The following OC90 variants were observed in gnomAD, a reference collection of about 807,000 sequenced individuals.
OC90 encodes otoconin 90.
A neutral mutation model predicts 47.3 loss-of-function variants in OC90; 46 were observed. The observed-to-expected ratio is 0.97, with a 90% CI of 0.77 to 1.24. OC90 has a LOEUF of 1.24. Ranked by LOEUF, OC90 falls within the 50% of genes most tolerant of loss-of-function variation. The pLI is 0.00. For missense variants in OC90, 688 were observed against 583.9 expected, an observed-to-expected ratio of 1.18 and a Z score of -1.84; for synonymous variants, 271 against 219.5, an observed-to-expected ratio of 1.23 and a Z score of -2.07.
intron 1 of OC90, among the ~76,000 whole-genome samples, chr8:132,055,930 A>T (rs1252389263): frequency 6.6e-6 from 1 of 152,246 alleles, no homozygotes; most frequent in Non-Finnish European, 1.5e-5. Context: ...GGAAAAGACC[A>T]GAGGGATTTT....
In OC90 at chr8:132,041,701, T is replaced by C; in HGVS notation, c.170-2A>G. On this transcript the variant is annotated splice_acceptor_variant, in intron 4 of 13. Coordinates refer to ENST00000254627, the MANE Select transcript of OC90 (RefSeq NM_001080399.3). LOFTEE classifies it high-confidence loss of function. ...AGGTGAAGTGGGGGCCCAGGCAATC[T>C]GTGGGGGTGGGGGGCAGGGCCTGAT... 1 of 1,023,210 alleles carries C rather than the reference T, an allele frequency of 9.8e-7. No homozygotes were observed. Among genetic ancestry groups the C allele is most frequent in the Non-Finnish European group, 1.4e-6 (1 of 708,260 alleles). 63.4% of individuals were successfully genotyped at this position (1,023,210 alleles called of 1,614,324 possible).
At chr8:132,052,350 C>T (rs761937794) in intron 2 of OC90, among the ~76,000 whole-genome samples, 33 of 152,264 alleles carry the variant, frequency 2.2e-4, no homozygotes, top group Non-Finnish European at 3.8e-4. Flanking sequence ...AATTAATCAG[C>T]GTAATAACCA....
chr8:132,040,077 T>C lies in OC90; in HGVS notation c.458-954A>G, dbSNP rs147656192. Among the ~76,000 whole-genome samples, 508 of 152,308 alleles carry C rather than the reference T, an allele frequency of 3.3e-3. 2 individuals carry two copies. Among genetic ancestry groups the C allele is most frequent in the Middle Eastern group, 0.014 (4 of 294 alleles). The stretch of plus-strand genomic sequence containing the variant: ...GTGTAGGTACACAATACATATACGT[T>C]GGGTGGATGAATGAATCATGTTTTC... On this transcript the variant is annotated intron_variant, in intron 6 of 13. Transcript: ENST00000254627.
In OC90 at chr8:132,033,057, C is replaced by T; in HGVS notation, c.841G>A (p.Glu281Lys). ...TGCTCACCTTTTTCAGTGGTCTCCT[C>T]AGGATCATTTTCAACAGATGACACT... ...LAVSSVENDP[E>K]ETTEKACDRF... is the part of the protein sequence containing the mutation. Residue 281 changes from glutamate (E) to lysine (K), a missense_variant, in exon 11 of 14, where the codon GAG becomes AAG. Transcript: ENST00000254627. The T allele has an allele frequency of 6.2e-7, 1 of 1,610,042 alleles. No individual in the cohort carries two copies.
At position 132,044,421 on chromosome 8, in the gene OC90, G is replaced by A; in HGVS notation, c.169+12C>T. The A allele has an allele frequency of 6.7e-7, 1 of 1,483,868 alleles. No individual in the cohort carries two copies. The highest frequency in any genetic ancestry group is 1.2e-5 in the South Asian group (1 of 83,206). 91.9% of individuals were successfully genotyped at this position (1,483,868 alleles called of 1,614,324 possible). On this transcript the variant is annotated intron_variant, in intron 4 of 13. Coordinates refer to ENST00000254627, the MANE Select transcript of OC90 (RefSeq NM_001080399.3). ...CCTCTGGTGGATAAAAGCAATTTTA[G>A]ACTTAACTTACCAAAAATTTCAGCC...
At chr8:132,053,594 C>CA (rs1369352756) in intron 2 of OC90, among the ~76,000 whole-genome samples, 4 of 152,178 alleles carry the variant, frequency 2.6e-5, no homozygotes, top group Admixed American at 2.6e-4. Context: ...CCGAAAAGAT[C>CA]AACCAGGATT....
At chr8:132,038,898 GGACTTGGCATCTAGA>G in intron 7 of OC90, 67 bp from the exon 8 acceptor site, 1 of 1,597,724 alleles carries the variant, frequency 6.3e-7, no homozygotes, top group Non-Finnish European at 8.6e-7. Flanking sequence ...TGAAGATGCT[GGACTTGGCATCTAGA>G]GACATGAAGC....
At position 132,031,825 on chromosome 8, in the gene OC90, G is replaced by A; in HGVS notation, c.1031+56C>T. 3 of 1,499,894 alleles carry A rather than the reference G, an allele frequency of 2.0e-6. No homozygotes were observed. The South Asian group carries it at 3.6e-5, about 18-fold the overall frequency. The allele number at this position is 1,499,894 out of a possible 1,614,324, so 92.9% of individuals were successfully genotyped here. A position where few individuals can be genotyped will look rare whatever the true frequency, so the allele number is the denominator to read the frequency against. On this transcript the variant is annotated intron_variant, in intron 12 of 13. Coordinates refer to ENST00000254627, the MANE Select transcript of OC90 (RefSeq NM_001080399.3). ...TCCAGGAGGGCTGTCACCACCCTCT[G>A]GTGCAGACAGCATCAGCACTACTAC...
chr8:132,028,639 A>G (rs13260297), intron 13 of OC90, among the ~76,000 whole-genome samples: 42,143 of 128,648 alleles, frequency 0.33, 8,173 homozygotes, highest in East Asian at 0.5. Flanking sequence ...GGAAGGAAAG[A>G]AAGGAAGGAA....
At chr8:132,041,378 T>A in intron 5 of OC90, 147 bp downstream of exon 5, 2 of 691,396 alleles carry the variant, frequency 2.9e-6, no homozygotes, top group Non-Finnish European at 4.9e-6. Flanking sequence ...TAAAGATGAG[T>A]CACCCAACTA....
In OC90 at chr8:132,041,084, A is replaced by G. The variant is rs1276167752; in HGVS notation, c.417T>C (p.Leu139=). The G allele has an allele frequency of 1.2e-5, 20 of 1,613,178 alleles. No homozygotes were observed. Among genetic ancestry groups the G allele is most frequent in the Non-Finnish European group, 1.7e-5 (20 of 1,179,140 alleles). The part of the protein sequence containing the change: ...EMDCLQDPAK[L]STEVNCVSKK... ...TGCTGACACAATTGACCTCTGTGCT[A>G]AGTTTGGCGGGGTCTTGGAGACAGT... The change falls in exon 6 of 14, where the codon CTT becomes CTC. Residue 139 remains leucine, a synonymous_variant. Coordinates refer to ENST00000254627, the MANE Select transcript of OC90 (RefSeq NM_001080399.3).
At chr8:132,047,418 A>G (rs1301330685) in intron 2 of OC90, among the ~76,000 whole-genome samples, 1 of 152,232 alleles carries the variant, frequency 6.6e-6, no homozygotes, top group Non-Finnish European at 1.5e-5. Flanking sequence ...TTGTATGCAC[A>G]TAATAACATT....
intron 1 of OC90, among the ~76,000 whole-genome samples, chr8:132,056,331 G>T (rs1454772881): frequency 6.6e-6 from 1 of 152,196 alleles, no homozygotes; most frequent in African/African-American, 2.4e-5. Flanking sequence ...TGTGAGCAAG[G>T]CTTGGTATTA....
intron 9 of OC90, among the ~76,000 whole-genome samples, chr8:132,036,902 T>C (rs1411936662): frequency 2.6e-5 from 4 of 152,240 alleles, no homozygotes; most frequent in Non-Finnish European, 5.9e-5. Flanking sequence ...GATTTGATAG[T>C]GTGTGCTGTT....
intron 1 of OC90, 145 bp from the exon 2 acceptor site, chr8:132,055,218 C>T (rs2130865904): frequency 1.9e-6 from 1 of 530,496 alleles, no homozygotes; most frequent in Non-Finnish European, 3.4e-6. Context: ...CCAGTTTTGC[C>T]ACTAACTGAC....
chr8:132,028,599 G>GA lies in OC90; in HGVS notation c.1138+473dup, dbSNP rs1326798961. 8.0e-3 allele frequency among the ~76,000 whole-genome samples: 239 copies of GA among 29,800 alleles called. 2 individuals carry two copies. Among genetic ancestry groups the GA allele is most frequent in the African/African-American group, 0.023 (218 of 9,586 alleles). The allele number at this position is 29,800 out of a possible 152,430, so 19.5% of individuals were successfully genotyped here. A position where few individuals can be genotyped will look rare whatever the true frequency, so the allele number is the denominator to read the frequency against. On this transcript the variant is annotated intron_variant, in intron 13 of 13. Transcript: ENST00000254627. ...GGAAGGAAGGAAGGAAGGAAGGAAG[G>GA]AGGGAAGGAGGGAAGGAGGAAGGAA...
intron 13 of OC90, among the ~76,000 whole-genome samples, chr8:132,026,414 G>A (rs1239636095): frequency 6.6e-6 from 1 of 152,168 alleles, no homozygotes; most frequent in Non-Finnish European, 1.5e-5. Context: ...AGACATGCCA[G>A]TTGCATTTCA....
At chr8:132,037,569 G>T (rs1822989237) in intron 8 of OC90, 81 bp from the exon 9 acceptor site, 2 of 1,231,866 alleles carry the variant, frequency 1.6e-6, no homozygotes, top group East Asian at 5.1e-5. Context: ...AGGAAAACAG[G>T]CTGGTTGCTG....
chr8:132,047,927 G>A (rs1823155901), intron 2 of OC90, among the ~76,000 whole-genome samples: 1 of 152,300 alleles, frequency 6.6e-6, no homozygotes, highest in South Asian at 2.1e-4. Context: ...CCTTTGGGAG[G>A]TGATTAGGTC....
Sources: allele counts gnomAD v4.1 joint callset (sites outside exome capture counted in the v4.1 genomes callset), GRCh38; gene constraint gnomAD v4.1.1; transcripts MANE v1.5; gene names NCBI Gene and HGNC (gene_info 2026-07-23, HGNC 2026-07-21).